Variants in ARMC9 observed in about 807,000 individuals in gnomAD.
ARMC9 encodes the protein lisH domain-containing protein ARMC9.
ARMC9 carries 94 observed loss-of-function variants against 107.0 expected under a neutral mutation model. That is an observed-to-expected ratio of 0.88 (90% CI 0.74 to 1.04). The LOEUF is 1.04. Among genes scored for constraint, ARMC9 ranks in the 50% least tolerant of loss-of-function variants. The pLI, the probability that ARMC9 is intolerant of heterozygous loss-of-function variation, is 0.00. For missense variants in ARMC9, 942 were observed against 1,030.1 expected (o/e 0.91, Z 1.17); for synonymous variants, 380 against 396.9 (o/e 0.96, Z 0.51).
chr2:231,308,541 A>G (rs1303293773), intron 19 of ARMC9, among the ~76,000 whole-genome samples: 1 of 152,168 alleles, frequency 6.6e-6, no homozygotes, highest in Admixed American at 6.5e-5. Flanking sequence ...GACCCTAGGT[A>G]GCTGGGAGGA....
At chr2:231,298,212 G>T (rs753027516) in intron 19 of ARMC9, among the ~76,000 whole-genome samples, 1 of 152,180 alleles carries the variant, frequency 6.6e-6, no homozygotes, top group Non-Finnish European at 1.5e-5. Flanking sequence ...CTGTCATTTG[G>T]GCCAAATGGG....
At chr2:231,228,543 G>A (rs559692299) in intron 7 of ARMC9, among the ~76,000 whole-genome samples, 1 of 152,382 alleles carries the variant, frequency 6.6e-6, no homozygotes, top group Non-Finnish European at 1.5e-5. Flanking sequence ...GAGAGAGCCA[G>A]GAGGAAGCTG....
chr2:231,367,665 T>G (rs906863105), intron 23 of ARMC9, among the ~76,000 whole-genome samples: 1 of 152,166 alleles, frequency 6.6e-6, no homozygotes, highest in African/African-American at 2.4e-5. Flanking sequence ...TGGTAAATAT[T>G]ATGGATATTT....
intron 23 of ARMC9, among the ~76,000 whole-genome samples, chr2:231,365,761 T>C (rs1244264471): frequency 6.6e-6 from 1 of 151,930 alleles, no homozygotes; most frequent in Non-Finnish European, 1.5e-5. Flanking sequence ...TGGCGACACG[T>C]CTCAAGCTCC....
At position 231,351,123 on chromosome 2, in the gene ARMC9, A is replaced by T. The variant is rs373275873; in HGVS notation, c.1995-4675A>T. Reference sequence around the variant, plus strand: ...CAGGCGCCTACCACCACGCCCGGCTATTTTTTTGTATTTTTAGTAGAGACG... The same window carrying T: ...CAGGCGCCTACCACCACGCCCGGCTTTTTTTTTGTATTTTTAGTAGAGACG... On this transcript the variant is annotated intron_variant, in intron 21 of 24. Coordinates refer to ENST00000611582, the MANE Select transcript of ARMC9 (RefSeq NM_001352754.2). Among the ~76,000 whole-genome samples the T allele has an allele frequency of 4.0e-3, 583 of 144,838 alleles. 4 individuals are homozygous for T. Among genetic ancestry groups the T allele is most frequent in the African/African-American group, 0.014 (551 of 38,598 alleles).
At chr2:231,289,283 A>G (rs1161534238) in intron 17 of ARMC9, among the ~76,000 whole-genome samples, 3 of 152,164 alleles carry the variant, frequency 2.0e-5, no homozygotes, top group African/African-American at 4.8e-5. Context: ...CCTGGGTGAC[A>G]TGGTGAAACC....
chr2:231,310,462 G>A (rs2042278827), intron 19 of ARMC9, among the ~76,000 whole-genome samples: 1 of 144,736 alleles, frequency 6.9e-6, no homozygotes, highest in Admixed American at 7.0e-5. Flanking sequence ...CGGGTGCAAT[G>A]GCTCACGCCT....
rs71396668 is a variant in ARMC9, at chr2:231,220,596, C to CAAAA, written c.505-2111_505-2108dup. ...TGGGCAACAGAGCGAGACTCCATCT[C>CAAAA]AAAAAAAAAAAAAAAAAAAAAAAAT... is the stretch of plus-strand genomic sequence containing the variant. On this transcript the variant is annotated intron_variant, in intron 5 of 24. Transcript: ENST00000611582. Among the ~76,000 whole-genome samples, 145 of 66,160 alleles carry CAAAA rather than the reference C, an allele frequency of 2.2e-3. 1 individual carries two copies. The highest frequency in any genetic ancestry group is 7.4e-3 in the African/African-American group (131 of 17,652). 43.4% of individuals were successfully genotyped at this position (66,160 alleles called of 152,430 possible). A position where few individuals can be genotyped will look rare whatever the true frequency, so the allele number is the denominator to read the frequency against.
intron 23 of ARMC9, among the ~76,000 whole-genome samples, chr2:231,366,920 G>A (rs1020250984): frequency 1.9e-4 from 29 of 148,872 alleles, no homozygotes; most frequent in African/African-American, 6.6e-4. Context: ...GCGCAATCTC[G>A]GCTCACTGCA....
chr2:231,326,071 G>T (rs1460603378), intron 19 of ARMC9, among the ~76,000 whole-genome samples: 1 of 152,188 alleles, frequency 6.6e-6, no homozygotes, highest in East Asian at 1.9e-4. Context: ...TCTGTGTCCT[G>T]TTGAGCTCAG....
intron 20 of ARMC9, among the ~76,000 whole-genome samples, chr2:231,344,351 G>A (rs1290631898): frequency 6.6e-6 from 1 of 152,138 alleles, no homozygotes; most frequent in African/African-American, 2.4e-5. Flanking sequence ...ATGCCACCTT[G>A]TTTTGTAAAG....
chr2:231,324,123 C>CTTTTTTTTTTT (rs71296842), intron 19 of ARMC9, among the ~76,000 whole-genome samples: 27 of 89,256 alleles, frequency 3.0e-4, no homozygotes, highest in South Asian at 8.5e-4. Flanking sequence ...TTGTAAAGTA[C>CTTTTTTTTTTT]TTTTTTTTTT....
At chr2:231,335,303 C>G (rs1157787236) in intron 20 of ARMC9, among the ~76,000 whole-genome samples, 1 of 152,182 alleles carries the variant, frequency 6.6e-6, no homozygotes, top group Non-Finnish European at 1.5e-5. Flanking sequence ...ACCTCCTGAC[C>G]AAATCCCAGG....
chr2:231,371,135 G>C, intron 24 of ARMC9: 1 of 502,662 alleles, frequency 2.0e-6, no homozygotes, highest in South Asian at 1.5e-5. Context: ...CCAGGAGGAA[G>C]GTGCCACTGG....
intron 19 of ARMC9, among the ~76,000 whole-genome samples, chr2:231,327,453 A>G (rs1295644415): frequency 2.0e-5 from 3 of 152,128 alleles, no homozygotes; most frequent in African/African-American, 7.2e-5. Flanking sequence ...ACCATTGAGG[A>G]CTGGCTTTTT....
At chr2:231,211,905 C>G (rs2032919433) in intron 3 of ARMC9, among the ~76,000 whole-genome samples, 1 of 152,130 alleles carries the variant, frequency 6.6e-6, no homozygotes, top group Admixed American at 6.6e-5. Flanking sequence ...TTCTGATTGT[C>G]ACAAGCATAT....
rs2040246304 is a variant in ARMC9, at chr2:231,281,957, ACT to A, written c.1552-98_1552-97del. Reference sequence around the variant, plus strand: ...GAGAGCTGCGAGGACGGGAACACCCACTCTCCCCATTTGCCAGATTGTTCTGA... The same window carrying A: ...GAGAGCTGCGAGGACGGGAACACCCACTCCCCATTTGCCAGATTGTTCTGA... On this transcript the variant is annotated intron_variant, in intron 16 of 24. Coordinates refer to ENST00000611582, the MANE Select transcript of ARMC9 (RefSeq NM_001352754.2). 1.2e-5 allele frequency: 13 copies of A among 1,118,876 alleles called. No homozygotes were observed. In the East Asian group the frequency reaches 2.9e-4, roughly 25 times the overall value. The allele number at this position is 1,118,876 out of a possible 1,614,324, so 69.3% of individuals were successfully genotyped here. A position where few individuals can be genotyped will look rare whatever the true frequency, so the allele number is the denominator to read the frequency against.
intron 19 of ARMC9, among the ~76,000 whole-genome samples, chr2:231,316,564 GCTTGAACCCAGGAGAATCA>G (rs1213334374): frequency 3.3e-5 from 5 of 151,064 alleles, no homozygotes; most frequent in Non-Finnish European, 7.4e-5. Context: ...TGGGAGAATC[GCTTGAACCCAGGAGAATCA>G]CTTGAATTGA....
intron 20 of ARMC9, among the ~76,000 whole-genome samples, chr2:231,338,103 G>C (rs981590574): frequency 2.0e-5 from 3 of 152,184 alleles, no homozygotes; most frequent in African/African-American, 7.2e-5. Flanking sequence ...GGCTTTGTGG[G>C]TCCTCCAGCT....
Sources: allele counts gnomAD v4.1 joint callset (sites outside exome capture counted in the v4.1 genomes callset), GRCh38; gene constraint gnomAD v4.1.1; transcripts MANE v1.5; gene names NCBI Gene and HGNC (gene_info 2026-07-23, HGNC 2026-07-21).